GALNTL6: variants seen among roughly 807,000 people sequenced by gnomAD.
GALNTL6 encodes the protein polypeptide N-acetylgalactosaminyltransferase like 6.
GALNTL6 carries 46 observed loss-of-function variants against 73.7 expected under a neutral mutation model. The ratio of observed to expected loss-of-function variants is 0.62; its 90% confidence interval spans 0.49 to 0.80. GALNTL6 has a LOEUF of 0.80. GALNTL6 is among the 30% of genes least tolerant of loss of function. The pLI is 0.00. For synonymous variants in GALNTL6, 259 were observed against 263.7 expected, an observed-to-expected ratio of 0.98 and a Z score of 0.17; for missense variants, 604 against 755.0, an observed-to-expected ratio of 0.80 and a Z score of 2.34.
intron 2 of GALNTL6, among the ~76,000 whole-genome samples, chr4:172,208,387 A>T (rs1439718460): frequency 6.6e-6 from 1 of 152,230 alleles, no homozygotes; most frequent in African/African-American, 2.4e-5. Flanking sequence ...AAAAATGTTG[A>T]GTTCTTAAAA....
At chr4:172,737,353 G>A (rs1736534110) in intron 5 of GALNTL6, among the ~76,000 whole-genome samples, 1 of 151,536 alleles carries the variant, frequency 6.6e-6, no homozygotes, top group South Asian at 2.1e-4. Context: ...TTAAATAGCA[G>A]GTCTTTGAAC....
intron 5 of GALNTL6, among the ~76,000 whole-genome samples, chr4:172,558,295 G>A (rs1301408751): frequency 6.6e-6 from 1 of 152,168 alleles, no homozygotes; most frequent in Non-Finnish European, 1.5e-5. Flanking sequence ...TGAAAAAGGT[G>A]TAAGTTAAAT....
chr4:172,470,800 A>C (rs768790341), intron 5 of GALNTL6, among the ~76,000 whole-genome samples: 1 of 152,334 alleles, frequency 6.6e-6, no homozygotes, highest in East Asian at 1.9e-4. Context: ...ATCTCTATAC[A>C]TGAGATATAT....
chr4:173,019,761 T>C (rs1338675073), intron 11 of GALNTL6, among the ~76,000 whole-genome samples: 1 of 152,184 alleles, frequency 6.6e-6, no homozygotes, highest in Non-Finnish European at 1.5e-5. Flanking sequence ...ATTGAGAAGG[T>C]CGCTGTTCAC....
intron 5 of GALNTL6, among the ~76,000 whole-genome samples, chr4:172,474,949 GA>G (rs1200126130): frequency 6.6e-6 from 1 of 152,102 alleles, no homozygotes. Flanking sequence ...TGAATAAATT[GA>G]AAAAATGGTG....
At chr4:172,419,443 ATTTC>A (rs1309825498) in intron 5 of GALNTL6, among the ~76,000 whole-genome samples, 1 of 152,134 alleles carries the variant, frequency 6.6e-6, no homozygotes, top group Non-Finnish European at 1.5e-5. Flanking sequence ...GATATTTTCG[ATTTC>A]TTTCTTTCAA....
At chr4:173,030,635 A>G (rs1753416988) in intron 12 of GALNTL6, among the ~76,000 whole-genome samples, 1 of 152,052 alleles carries the variant, frequency 6.6e-6, no homozygotes, top group South Asian at 2.1e-4. Flanking sequence ...TGGGAGCAGG[A>G]CTGGTAGTTG....
At chr4:172,385,693 A>G (rs1743440440) in intron 5 of GALNTL6, among the ~76,000 whole-genome samples, 1 of 152,018 alleles carries the variant, frequency 6.6e-6, no homozygotes, top group Non-Finnish European at 1.5e-5. Flanking sequence ...GATCATTTTT[A>G]TAAAATCCAT....
chr4:172,711,541 C>G (rs957134935), intron 5 of GALNTL6, among the ~76,000 whole-genome samples: 1 of 152,028 alleles, frequency 6.6e-6, no homozygotes, highest in Admixed American at 6.6e-5. Flanking sequence ...TGAATGTGTG[C>G]CGGGTGAACA....
Position 171,831,056 on chromosome 4 carries a change from G to T in GALNTL6, c.138+16338G>T, listed in dbSNP as rs541740890. 2.0e-5 allele frequency among the ~76,000 whole-genome samples: 3 copies of T among 152,108 alleles called. No homozygotes were observed. In the East Asian group the frequency reaches 5.8e-4, roughly 29 times the overall value. On this transcript the variant is annotated intron_variant, in intron 2 of 12. Transcript: ENST00000506823. ...ACACTTCATTAAAAGAAGTAATTTT[G>T]GGAATATAGACTGATATATTTCAAG... is the stretch of plus-strand genomic sequence containing the variant.
At chr4:171,828,911 A>T (rs2110819921) in intron 2 of GALNTL6, among the ~76,000 whole-genome samples, 1 of 152,278 alleles carries the variant, frequency 6.6e-6, no homozygotes, top group East Asian at 1.9e-4. Flanking sequence ...CTGGAATTAC[A>T]GGTGTGAACC....
At chr4:172,780,985 T>C (rs556732616) in intron 5 of GALNTL6, among the ~76,000 whole-genome samples, 1 of 152,260 alleles carries the variant, frequency 6.6e-6, no homozygotes, top group South Asian at 2.1e-4. Flanking sequence ...CTTCAAAGAA[T>C]TTGCCATTTG....
chr4:172,199,111 C>A (rs12640027), intron 2 of GALNTL6, among the ~76,000 whole-genome samples: 1 of 152,100 alleles, frequency 6.6e-6, no homozygotes, highest in Non-Finnish European at 1.5e-5. Context: ...TGGTAGCCAC[C>A]GTTTTATCCT....
At chr4:172,916,396 G>C (rs1747512630) in intron 8 of GALNTL6, among the ~76,000 whole-genome samples, 1 of 152,076 alleles carries the variant, frequency 6.6e-6, no homozygotes, top group Admixed American at 6.5e-5. Flanking sequence ...TTTCTGGCCA[G>C]GGCAATCAGA....
intron 8 of GALNTL6, 141 bp downstream of exon 8, chr4:172,883,048 GTTTC>G: frequency 1.9e-6 from 1 of 536,490 alleles, no homozygotes; most frequent in Admixed American, 3.5e-5. Context: ...AGCTCTTGTA[GTTTC>G]TTTCTTTTTT....
chr4:172,676,914 C>G (rs1373243909), intron 5 of GALNTL6, among the ~76,000 whole-genome samples: 2 of 152,164 alleles, frequency 1.3e-5, no homozygotes, highest in Non-Finnish European at 2.9e-5. Context: ...GTACTATTGA[C>G]AATGCCAAAT....
chr4:172,277,078 A>G (rs771967755), intron 3 of GALNTL6, among the ~76,000 whole-genome samples: 10 of 151,804 alleles, frequency 6.6e-5, no homozygotes, highest in South Asian at 2.1e-4. Flanking sequence ...CTCTTTGTCT[A>G]TCTCTTAAAT....
chr4:173,004,608 A>G (rs898924612), intron 10 of GALNTL6, among the ~76,000 whole-genome samples: 1 of 152,322 alleles, frequency 6.6e-6, no homozygotes, highest in Admixed American at 6.5e-5. Flanking sequence ...CCTGGGGAAC[A>G]AGAGTGAAAC....
chr4:172,376,928 T>G (rs1219667551), intron 5 of GALNTL6, among the ~76,000 whole-genome samples: 2 of 152,130 alleles, frequency 1.3e-5, no homozygotes, highest in Non-Finnish European at 1.5e-5. Context: ...ATGGTCTCGC[T>G]GGCTTCAGGA....
Sources: gnomAD v4.1 joint callset for allele counts (sites outside exome capture counted in the v4.1 genomes callset) on GRCh38, gnomAD v4.1.1 for gene constraint, MANE v1.5 for transcripts, NCBI Gene and HGNC (gene_info 2026-07-23, HGNC 2026-07-21) for gene names.